Variants in FAM174B observed in about 807,000 individuals in gnomAD.
FAM174B encodes the protein family with sequence similarity 174 member B.
In FAM174B, 12 loss-of-function variants were observed where a neutral mutation model predicts 10.9. That is an observed-to-expected ratio of 1.10 (90% CI 0.71 to 1.79). The LOEUF (loss-of-function observed/expected upper bound fraction) is 1.79, where lower values mean the gene tolerates loss of function less well. Ranked by LOEUF, FAM174B falls within the 40% of genes most tolerant of loss-of-function variation. FAM174B has a pLI of 0.00. For synonymous variants in FAM174B, 132 were observed against 115.8 expected (o/e 1.14, Z -0.90); for missense variants, 266 against 233.3 (o/e 1.14, Z -0.91).
intron 2 of FAM174B, among the ~76,000 whole-genome samples, chr15:92,625,962 C>T (rs1439712008): frequency 2.1e-5 from 3 of 144,314 alleles, no homozygotes; most frequent in African/African-American, 7.3e-5. Context: ...GCAGAAAAGG[C>T]AAAAGCAAAG....
intron 1 of FAM174B, among the ~76,000 whole-genome samples, chr15:92,637,943 G>T (rs1320487696): frequency 6.6e-6 from 1 of 152,204 alleles, no homozygotes; most frequent in African/African-American, 2.4e-5. Flanking sequence ...TCGCAGCCCA[G>T]TGCCCCCACG....
At chr15:92,645,070 T>A (rs2141962474) in intron 1 of FAM174B, among the ~76,000 whole-genome samples, 1 of 152,348 alleles carries the variant, frequency 6.6e-6, no homozygotes, top group Non-Finnish European at 1.5e-5. Context: ...CCATGGTTCA[T>A]TAGGTCCTAC....
chr15:92,624,331 G>C (rs1226842655), intron 2 of FAM174B, among the ~76,000 whole-genome samples: 1 of 152,174 alleles, frequency 6.6e-6, no homozygotes, highest in Non-Finnish European at 1.5e-5. Context: ...CACCGCCCAG[G>C]CAGCTGTCCA....
intron 1 of FAM174B, among the ~76,000 whole-genome samples, chr15:92,639,710 G>T (rs200813528): frequency 6.6e-6 from 1 of 152,062 alleles, no homozygotes; most frequent in Admixed American, 6.6e-5. Flanking sequence ...TAGTGAGTGG[G>T]TGAGTGCCTG....
At chr15:92,634,231 G>T (rs1349099276) in intron 1 of FAM174B, 1 of 152,226 alleles carries the variant, frequency 6.6e-6, no homozygotes, top group Admixed American at 6.5e-5. Context: ...TCAGGCTGAG[G>T]AGTCATAGTC....
intron 1 of FAM174B, chr15:92,655,051 A>T: frequency 3.0e-6 from 1 of 329,776 alleles, no homozygotes; most frequent in Non-Finnish European, 5.4e-6. Context: ...CAGCATTAGC[A>T]GAAAGCCAAC....
chr15:92,622,783 G>A (rs994848284), intron 2 of FAM174B, among the ~76,000 whole-genome samples: 2 of 152,234 alleles, frequency 1.3e-5, no homozygotes, highest in African/African-American at 4.8e-5. Context: ...CACCACCTCT[G>A]GGAAGAACTT....
chr15:92,644,904 A>C (rs1263654029), intron 1 of FAM174B, among the ~76,000 whole-genome samples: 1 of 152,186 alleles, frequency 6.6e-6, no homozygotes, highest in Non-Finnish European at 1.5e-5. Context: ...AGAAGGAGGA[A>C]ATCTAGATTT....
chr15:92,636,841 A>G (rs1387561346), intron 1 of FAM174B, among the ~76,000 whole-genome samples: 1 of 152,184 alleles, frequency 6.6e-6, no homozygotes, highest in South Asian at 2.1e-4. Context: ...GTTCGCAGCC[A>G]CTTGACTTTA....
chr15:92,630,285 TC>T lies in FAM174B; in HGVS notation c.404del (p.Arg135GlnfsTer7). 2 of 1,613,850 alleles carry T rather than the reference TC, an allele frequency of 1.2e-6. No homozygotes were observed. Among genetic ancestry groups the T allele is most frequent in the Non-Finnish European group, 1.7e-6 (2 of 1,179,794 alleles). ...KYDIITTPAE[R>X]VEMAPLNEED... ...CTTCATTTAGTGGCGCCATTTCCAC[TC>T]GCTCTGCTGGAGTGGTGATGATATC... On this transcript the variant is annotated frameshift_variant, in exon 2 of 3. Coordinates refer to ENST00000327355, the MANE Select transcript of FAM174B (RefSeq NM_207446.3). LOFTEE classifies it high-confidence loss of function.
At chr15:92,636,587 T>C (rs2050857462) in intron 1 of FAM174B, among the ~76,000 whole-genome samples, 1 of 152,152 alleles carries the variant, frequency 6.6e-6, no homozygotes, top group Non-Finnish European at 1.5e-5. Context: ...TGAGTGAAAG[T>C]GCCGCACAAC....
Position 92,619,217 on chromosome 15 carries a change from C to T in FAM174B, c.*239G>A, listed in dbSNP as rs893022025. 2 of 703,668 alleles carry T rather than the reference C, an allele frequency of 2.8e-6. No individual in the cohort carries two copies. Among genetic ancestry groups the T allele is most frequent in the Admixed American group, 4.0e-5 (2 of 49,988 alleles). The allele number at this position is 703,668 out of a possible 1,614,324, so 43.6% of individuals were successfully genotyped here. A position where few individuals can be genotyped will look rare whatever the true frequency, so the allele number is the denominator to read the frequency against. ...ACATGGGGAGTAGAAGTAGGGGGCACTTTAAAGGGATGCCCAAAGGGTGGC... is the reference window on the plus strand; with the variant it reads ...ACATGGGGAGTAGAAGTAGGGGGCATTTTAAAGGGATGCCCAAAGGGTGGC... On this transcript the variant is annotated 3_prime_UTR_variant, in exon 3 of 3. Coordinates refer to ENST00000327355, the MANE Select transcript of FAM174B (RefSeq NM_207446.3).
In FAM174B at chr15:92,619,018, C is replaced by CTCGGTGGTAG; in HGVS notation, c.*437_*438insCTACCACCGA. On this transcript the variant is annotated 3_prime_UTR_variant, in exon 3 of 3. Transcript: ENST00000327355. ...ATCAGATGGGGTCCAATGTGTAGAT[C>CTCGGTGGTAG]CAGTAGAGAAGAATGTCGGAAATTC... The CTCGGTGGTAG allele has an allele frequency of 1.7e-6, 1 of 595,256 alleles. No individual in the cohort carries two copies. The highest frequency in any genetic ancestry group is 3.0e-6 in the Non-Finnish European group (1 of 336,102). 36.9% of individuals were successfully genotyped at this position (595,256 alleles called of 1,614,324 possible).
chr15:92,635,233 C>G (rs962286763), intron 1 of FAM174B, among the ~76,000 whole-genome samples: 1 of 151,670 alleles, frequency 6.6e-6, no homozygotes, highest in African/African-American at 2.4e-5. Context: ...AATCCAAATA[C>G]AAAAGGCTAT....
Position 92,620,452 on chromosome 15 carries a change from C to T in FAM174B, c.477-993G>A, listed in dbSNP as rs1314168908. On this transcript the variant is annotated intron_variant, in intron 2 of 2. Transcript: ENST00000327355. ...GGCAGAGCTCGCAGTGAGCAGAGAT[C>T]GCACCACTGCACTCCAGCCTGGGCA... Among the ~76,000 whole-genome samples, 5 of 152,166 alleles carry T rather than the reference C, an allele frequency of 3.3e-5. No individual in the cohort carries two copies. In the East Asian group the frequency reaches 9.7e-4, roughly 29 times the overall value.
chr15:92,619,699 A>ATCT, intron 2 of FAM174B: 1 of 583,634 alleles, frequency 1.7e-6, no homozygotes, highest in Non-Finnish European at 3.1e-6. Flanking sequence ...GACTCCCTAG[A>ATCT]ACACAACCTC....
chr15:92,644,319 C>T (rs1240155530), intron 1 of FAM174B, among the ~76,000 whole-genome samples: 1 of 152,144 alleles, frequency 6.6e-6, no homozygotes, highest in Admixed American at 6.5e-5. Context: ...CGACACCTTC[C>T]ACCTAGAGCA....
chr15:92,619,457 T>TA lies in FAM174B; in HGVS notation c.478dup (p.Ter160LeufsTer22), dbSNP rs777928093. The TA allele has an allele frequency of 2.3e-5, 37 of 1,613,650 alleles. No individual in the cohort carries two copies. The highest frequency in any genetic ancestry group is 3.1e-5 in the Non-Finnish European group (36 of 1,179,790). On this transcript the variant is annotated frameshift_variant and stop_lost and splice_region_variant, in exon 3 of 3. Coordinates refer to ENST00000327355, the MANE Select transcript of FAM174B (RefSeq NM_207446.3). LOFTEE classifies it high-confidence loss of function. Reference sequence around the variant, plus strand: ...TGCCACCAGGCTGGGAAACAGGTTTTACCTAAAAGAAAGGGAAGGACAAGA... The same window carrying TA: ...TGCCACCAGGCTGGGAAACAGGTTTTAACCTAAAAGAAAGGGAAGGACAAGA...
In FAM174B at chr15:92,617,837, G is replaced by A. The variant is rs2050689414; in HGVS notation, c.*1619C>T. 6.1e-6 allele frequency: 3 copies of A among 492,414 alleles called. No individual in the cohort carries two copies. The highest frequency in any genetic ancestry group is 2.0e-5 in the African/African-American group (1 of 49,590). The allele number at this position is 492,414 out of a possible 1,614,324, so 30.5% of individuals were successfully genotyped here. ...CAGAGAAGGAAAGTCAACAAAGAAG[G>A]TGAAATGCAGGGAGCAGAGACTACA... On this transcript the variant is annotated 3_prime_UTR_variant, in exon 3 of 3. Transcript: ENST00000327355.
Sources: allele counts gnomAD v4.1 joint callset (sites outside exome capture counted in the v4.1 genomes callset), GRCh38; gene constraint gnomAD v4.1.1; transcripts MANE v1.5; gene names NCBI Gene and HGNC (gene_info 2026-07-23, HGNC 2026-07-21).